DCC: variants seen among roughly 807,000 people sequenced by gnomAD.
DCC encodes the protein netrin receptor DCC.
DCC carries 58 observed loss-of-function variants against 172.5 expected under a neutral mutation model. The observed-to-expected ratio is 0.34, with a 90% CI of 0.27 to 0.42. The LOEUF (loss-of-function observed/expected upper bound fraction) is 0.42. Among genes scored for constraint, DCC ranks in the 10% least tolerant of loss-of-function variants. The pLI is 1.00. For missense variants in DCC, 1,740 were observed against 1,791.0 expected (o/e 0.97, Z 0.51); for synonymous variants, 709 against 644.5 (o/e 1.10, Z -1.52).
intron 2 of DCC, among the ~76,000 whole-genome samples, chr18:52,806,481 G>C (rs1261780233): frequency 6.6e-6 from 1 of 152,150 alleles, no homozygotes; most frequent in Admixed American, 6.5e-5. Flanking sequence ...AAGCTAATAT[G>C]CAAAATTGAA....
intron 1 of DCC, among the ~76,000 whole-genome samples, chr18:52,472,338 T>A (rs1988971546): frequency 6.6e-6 from 1 of 152,170 alleles, no homozygotes; most frequent in Admixed American, 6.5e-5. Flanking sequence ...TTCATCTGGC[T>A]TCTTTTATCC....
rs114561087 is a variant in DCC at position 52,841,322 on chromosome 18, G to C, written c.413-64722G>C. Among the ~76,000 whole-genome samples, 691 of 151,702 alleles carry C rather than the reference G, an allele frequency of 4.6e-3. 6 individuals carry two copies. The highest frequency in any genetic ancestry group is 0.016 in the African/African-American group (654 of 41,390). Reference sequence around the variant, plus strand: ...CAACACTCTGACTAATGCATGTAGAGTGCATTGTAGGAGAGTAAGACTAGA... The same window carrying C: ...CAACACTCTGACTAATGCATGTAGACTGCATTGTAGGAGAGTAAGACTAGA... On this transcript the variant is annotated intron_variant, in intron 2 of 28. Coordinates refer to ENST00000442544, the MANE Select transcript of DCC (RefSeq NM_005215.4).
At chr18:52,377,600 A>G (rs532902230) in intron 1 of DCC, among the ~76,000 whole-genome samples, 1 of 152,076 alleles carries the variant, frequency 6.6e-6, no homozygotes, top group Admixed American at 6.5e-5. Context: ...TAATAGTGAA[A>G]ACAGAGTCTT....
chr18:52,734,501 T>C (rs1321298518), intron 1 of DCC, among the ~76,000 whole-genome samples: 1 of 152,164 alleles, frequency 6.6e-6, no homozygotes, highest in Non-Finnish European at 1.5e-5. Flanking sequence ...TGGCTGACTA[T>C]GTTACTGACT....
chr18:53,035,871 A>G (rs773352918), intron 5 of DCC, among the ~76,000 whole-genome samples: 5 of 149,530 alleles, frequency 3.3e-5, no homozygotes, highest in Non-Finnish European at 5.9e-5. Flanking sequence ...ACACTTCCAT[A>G]CATATTTGCA....
intron 7 of DCC, among the ~76,000 whole-genome samples, chr18:53,108,843 T>C (rs2043288749): frequency 6.6e-6 from 1 of 151,598 alleles, no homozygotes; most frequent in South Asian, 2.1e-4. Context: ...GATGGGTGTT[T>C]GGATTGTATC....
chr18:53,287,233 C>T (rs562147209), intron 12 of DCC, among the ~76,000 whole-genome samples: 8 of 152,278 alleles, frequency 5.3e-5, no homozygotes, highest in African/African-American at 1.9e-4. Context: ...TGGAATTATA[C>T]ACTATGTGGT....
intron 1 of DCC, among the ~76,000 whole-genome samples, chr18:52,548,662 T>A (rs1040374289): frequency 6.6e-6 from 1 of 152,120 alleles, no homozygotes; most frequent in Non-Finnish European, 1.5e-5. Context: ...GCACAGCCAA[T>A]ACAGGCATCA....
At chr18:53,101,508 C>T (rs2043171777) in intron 7 of DCC, among the ~76,000 whole-genome samples, 1 of 152,082 alleles carries the variant, frequency 6.6e-6, no homozygotes, top group Non-Finnish European at 1.5e-5. Context: ...GTGATCTTTA[C>T]ATAAATTATT....
intron 5 of DCC, among the ~76,000 whole-genome samples, chr18:53,016,682 T>C (rs187709291): frequency 1.9e-3 from 282 of 152,284 alleles, no homozygotes; most frequent in Non-Finnish European, 3.1e-3. Context: ...GTACTTTGTC[T>C]TTTGAGACTA....
chr18:52,505,070 T>G (rs1415437795), intron 1 of DCC, among the ~76,000 whole-genome samples: 1 of 152,192 alleles, frequency 6.6e-6, no homozygotes, highest in Non-Finnish European at 1.5e-5. Flanking sequence ...AGAGCACCTA[T>G]TAATTTCAGG....
chr18:52,388,145 A>C (rs1985890308), intron 1 of DCC, among the ~76,000 whole-genome samples: 1 of 151,998 alleles, frequency 6.6e-6, no homozygotes, highest in Non-Finnish European at 1.5e-5. Context: ...TGGAGGCCTC[A>C]GTCTTAGTTC....
At chr18:53,201,552 A>G (rs2055537737) in intron 9 of DCC, among the ~76,000 whole-genome samples, 3 of 152,180 alleles carry the variant, frequency 2.0e-5, no homozygotes, top group Admixed American at 2.0e-4. Flanking sequence ...GTCTTTGTGA[A>G]TATATCAATA....
intron 1 of DCC, among the ~76,000 whole-genome samples, chr18:52,659,607 A>G (rs1831007818): frequency 6.6e-6 from 1 of 152,246 alleles, no homozygotes; most frequent in Non-Finnish European, 1.5e-5. Context: ...ACTGTTGAAC[A>G]TGTGCAGATG....
intron 12 of DCC, among the ~76,000 whole-genome samples, chr18:53,229,494 C>G (rs546744138): frequency 1.2e-4 from 18 of 152,196 alleles, no homozygotes; most frequent in South Asian, 6.2e-4. Flanking sequence ...TATCTATGCC[C>G]TTTAGGTTAT....
intron 1 of DCC, among the ~76,000 whole-genome samples, chr18:52,534,605 C>T (rs1006307892): frequency 2.6e-5 from 4 of 152,042 alleles, no homozygotes; most frequent in Admixed American, 6.6e-5. Context: ...TGCTGTGATT[C>T]AGAAAGACTA....
chr18:53,250,549 C>T (rs917196640), intron 12 of DCC, among the ~76,000 whole-genome samples: 3 of 151,768 alleles, frequency 2.0e-5, no homozygotes, highest in African/African-American at 7.3e-5. Context: ...GCAATATCTG[C>T]CCCTAGTCTC....
intron 12 of DCC, among the ~76,000 whole-genome samples, chr18:53,229,620 C>A (rs548166017): frequency 3.3e-5 from 5 of 152,126 alleles, no homozygotes; most frequent in South Asian, 4.1e-4. Context: ...CAGAACTCAG[C>A]AAATGCTACA....
intron 1 of DCC, among the ~76,000 whole-genome samples, chr18:52,591,199 T>G (rs2033791961): frequency 2.0e-5 from 3 of 152,164 alleles, no homozygotes; most frequent in African/African-American, 4.8e-5. Context: ...TTCTGGACTT[T>G]GAGATTTTCA....
Sources: allele counts gnomAD v4.1 joint callset (sites outside exome capture counted in the v4.1 genomes callset), GRCh38; gene constraint gnomAD v4.1.1; transcripts MANE v1.5; gene names NCBI Gene and HGNC (gene_info 2026-07-23, HGNC 2026-07-21).